Variants in TP53BP1 observed in about 807,000 individuals in gnomAD.
TP53BP1 encodes the protein TP53-binding protein 1.
TP53BP1 carries 61 observed loss-of-function variants against 200.8 expected under a neutral mutation model. The observed-to-expected ratio is 0.30, with a 90% CI of 0.25 to 0.38. The LOEUF (loss-of-function observed/expected upper bound fraction) is 0.38. TP53BP1 is among the 10% of genes least tolerant of loss of function. The pLI, the probability that TP53BP1 is intolerant of heterozygous loss-of-function variation, is 1.00. For synonymous variants in TP53BP1, 822 were observed against 844.3 expected, an observed-to-expected ratio of 0.97 and a Z score of 0.46; for missense variants, 2,144 against 2,371.9, an observed-to-expected ratio of 0.90 and a Z score of 2.00.
intron 25 of TP53BP1, 37 bp downstream of exon 25, chr15:43,409,610 T>G (rs903198388): frequency 1.7e-6 from 2 of 1,176,902 alleles, no homozygotes; most frequent in Non-Finnish European, 2.4e-6. Context: ...GCTCTTATCA[T>G]TGCCACTATA....
intron 12 of TP53BP1, among the ~76,000 whole-genome samples, chr15:43,450,611 G>T (rs1458498367): frequency 6.6e-6 from 1 of 152,178 alleles, no homozygotes; most frequent in Non-Finnish European, 1.5e-5. Flanking sequence ...TTTGTTCTGT[G>T]TTGAACAAGA....
At chr15:43,416,764 C>T (rs1352012532) in intron 21 of TP53BP1, 3 of 179,608 alleles carry the variant, frequency 1.7e-5, no homozygotes, top group Non-Finnish European at 2.3e-5. Context: ...AACTTCTAAA[C>T]ATTTCCTTCT....
intron 11 of TP53BP1, 27 bp from the exon 12 acceptor site, chr15:43,457,245 T>C (rs2143010558): frequency 1.3e-6 from 2 of 1,547,030 alleles, no homozygotes; most frequent in Non-Finnish European, 1.7e-6. Flanking sequence ...AGAGACAAAT[T>C]GTAATTTGTA....
intron 9 of TP53BP1, 82 bp downstream of exon 9, chr15:43,475,483 G>A (rs191817822): frequency 4.7e-6 from 7 of 1,500,870 alleles, no homozygotes; most frequent in East Asian, 2.3e-5. Context: ...TAGACTAGCA[G>A]ATAAGTTTAG....
In TP53BP1 at chr15:43,403,498, T is replaced by A; in HGVS notation, c.*3885A>T. ...ACTCGCTTAGCCAGGAAAGGATGCA[T>A]TTGTTTTACGCATTTTGTGCGTCTG... On this transcript the variant is annotated 3_prime_UTR_variant, in exon 28 of 28. Coordinates refer to ENST00000382044, the MANE Select transcript of TP53BP1 (RefSeq NM_001141980.3). 1.8e-6 allele frequency: 1 copy of A among 548,340 alleles called. No homozygotes were observed. Among genetic ancestry groups the A allele is most frequent in the Non-Finnish European group, 3.3e-6 (1 of 305,094 alleles). 34.0% of individuals were successfully genotyped at this position (548,340 alleles called of 1,614,324 possible). A position where few individuals can be genotyped will look rare whatever the true frequency, so the allele number is the denominator to read the frequency against.
At chr15:43,424,696 C>G (rs948076100) in intron 18 of TP53BP1, among the ~76,000 whole-genome samples, 1 of 152,200 alleles carries the variant, frequency 6.6e-6, no homozygotes, top group Non-Finnish European at 1.5e-5. Flanking sequence ...CTGGGTTAAA[C>G]AGAATAAAAT....
chr15:43,441,612 AG>A (rs1409828686), intron 14 of TP53BP1, 29 bp from the exon 15 acceptor site: 1 of 1,546,598 alleles, frequency 6.5e-7, no homozygotes, highest in East Asian at 2.2e-5. Flanking sequence ...AAGGAGAGAA[AG>A]GAAAGAGAAA....
In TP53BP1 at chr15:43,413,319, C is replaced by T. The variant is rs773242818; in HGVS notation, c.5105G>A (p.Gly1702Glu). ...ACTCTCACAGGGGCTCACAAACTCTCCTGCCCCTACTGCACCTGGGAAGGA... is the reference window on the plus strand; with the variant it reads ...ACTCTCACAGGGGCTCACAAACTCTTCTGCCCCTACTGCACCTGGGAAGGA... ...ATVKPGAVGA[G>E]EFVSPCESGD... Residue 1702 changes from glycine to glutamate, a missense_variant, in exon 24 of 28, where the codon GGA becomes GAA. By Grantham distance (98) the Gly-to-Glu change is moderately conservative (BLOSUM62 -2). Coordinates refer to ENST00000382044, the MANE Select transcript of TP53BP1 (RefSeq NM_001141980.3). 1 of 1,613,980 alleles carries T rather than the reference C, an allele frequency of 6.2e-7. No individual in the cohort carries two copies. Among genetic ancestry groups the T allele is most frequent in the South Asian group, 1.1e-5 (1 of 91,036 alleles).
At position 43,432,575 on chromosome 15, in the gene TP53BP1, A is replaced by G. The variant is rs960129489; in HGVS notation, c.3294T>C (p.Ile1098=). The G allele has an allele frequency of 1.1e-5, 18 of 1,614,006 alleles. No homozygotes were observed. Among genetic ancestry groups the G allele is most frequent in the Non-Finnish European group, 1.5e-5 (18 of 1,179,984 alleles). ...IRQSQQPMKP[I]SPVKDPVSPA... ...GAGAAACAGGGTCCTTGACAGGACTAATGGGCTTCATAGGCTGTTGACTCT... is the reference window on the plus strand; with the variant it reads ...GAGAAACAGGGTCCTTGACAGGACTGATGGGCTTCATAGGCTGTTGACTCT... Residue 1098 remains isoleucine, a synonymous_variant, in exon 17 of 28, where the codon ATT becomes ATC. Transcript: ENST00000382044.
At chr15:43,426,064 CAAA>C (rs34837192) in intron 18 of TP53BP1, among the ~76,000 whole-genome samples, 1 of 96,588 alleles carries the variant, frequency 1.0e-5, no homozygotes. Flanking sequence ...GACTCCGTCT[CAAA>C]AAAAAAAAAA....
At chr15:43,426,767 C>T (rs1480979467) in intron 18 of TP53BP1, among the ~76,000 whole-genome samples, 3 of 151,466 alleles carry the variant, frequency 2.0e-5, no homozygotes, top group East Asian at 1.9e-4. Flanking sequence ...AATCCCAGCA[C>T]TTTGGGAGGC....
chr15:43,478,685 T>C (rs2078917932), intron 7 of TP53BP1, among the ~76,000 whole-genome samples: 1 of 152,134 alleles, frequency 6.6e-6, no homozygotes, highest in South Asian at 2.1e-4. Flanking sequence ...CCTACATCTA[T>C]CGATACCATA....
At position 43,435,868 on chromosome 15, in the gene TP53BP1, G is replaced by C. The variant is rs546992924; in HGVS notation, c.3191+2456C>G. ...GGACGACCCTGCCTGGCTAATTTTT[G>C]TATTTTTAGTAGAGACAGCGTTTTA... On this transcript the variant is annotated intron_variant, in intron 16 of 27. Transcript: ENST00000382044. Among the ~76,000 whole-genome samples, 3 of 152,052 alleles carry C rather than the reference G, an allele frequency of 2.0e-5. No individual in the cohort carries two copies. The East Asian group carries it at 5.8e-4, about 29-fold the overall frequency.
intron 10 of TP53BP1, among the ~76,000 whole-genome samples, chr15:43,472,724 C>T (rs1462543596): frequency 2.6e-5 from 4 of 152,214 alleles, no homozygotes; most frequent in Non-Finnish European, 5.9e-5. Context: ...TCCAGTTCTT[C>T]CCCATACTAA....
intron 23 of TP53BP1, chr15:43,414,182 G>T: frequency 2.2e-6 from 1 of 450,922 alleles, no homozygotes. Context: ...AACGAGGCTG[G>T]AATTAGAAGT....
chr15:43,427,959 A>G (rs2045583917), intron 18 of TP53BP1, 57 bp downstream of exon 18: 496 of 530,282 alleles, frequency 9.4e-4, no homozygotes, highest in South Asian at 1.1e-3. Flanking sequence ...CCTGTCTCCA[A>G]AAAAAAAAAA....
chr15:43,463,245 A>G (rs1474232822), intron 11 of TP53BP1, among the ~76,000 whole-genome samples: 1 of 152,138 alleles, frequency 6.6e-6, no homozygotes, highest in Non-Finnish European at 1.5e-5. Flanking sequence ...TCCTCTCCCC[A>G]TCCCTCATAT....
At chr15:43,494,302 A>C (rs910963759), upstream of TP53BP1, among the ~76,000 whole-genome samples, 1 of 152,222 alleles carries the variant, frequency 6.6e-6, no homozygotes, top group Non-Finnish European at 1.5e-5. Flanking sequence ...TGCCCAATTC[A>C]GCACGTGATA....
intron 4 of TP53BP1, among the ~76,000 whole-genome samples, chr15:43,484,199 T>A (rs996098474): frequency 6.6e-6 from 1 of 152,186 alleles, no homozygotes; most frequent in Non-Finnish European, 1.5e-5. Context: ...GTGGCATACA[T>A]CTGTAGTCCC....
Sources: allele counts gnomAD v4.1 joint callset (sites outside exome capture counted in the v4.1 genomes callset), GRCh38; gene constraint gnomAD v4.1.1; transcripts MANE v1.5; gene names NCBI Gene and HGNC (gene_info 2026-07-23, HGNC 2026-07-21).